Variants in RERE observed in about 807,000 individuals in gnomAD.
The protein encoded by RERE is arginine-glutamic acid dipeptide repeats protein.
A neutral mutation model predicts 146.1 loss-of-function variants in RERE; 40 were observed. That is an observed-to-expected ratio of 0.27 (90% CI 0.21 to 0.36). The LOEUF is 0.36. Ranked by LOEUF, RERE falls within the 10% of genes least tolerant of loss-of-function variation. The probability of loss-of-function intolerance (pLI) is 1.00; values close to 1 mark genes in which losing one functional copy is unlikely to be tolerated. For missense variants in RERE, 1,933 were observed against 2,138.7 expected (o/e 0.90, Z 1.90); for synonymous variants, 1,003 against 866.0 (o/e 1.16, Z -2.78).
chr1:8,450,742 G>T (rs1479388641), intron 11 of RERE, among the ~76,000 whole-genome samples: 1 of 152,078 alleles, frequency 6.6e-6, no homozygotes, highest in Non-Finnish European at 1.5e-5. Flanking sequence ...ATGCCCATCC[G>T]GGTTCCCCCA....
At chr1:8,457,314 A>T (rs981561233) in intron 11 of RERE, among the ~76,000 whole-genome samples, 3 of 152,174 alleles carry the variant, frequency 2.0e-5, no homozygotes, top group Admixed American at 1.3e-4. Flanking sequence ...TATAACCACC[A>T]AACACATGCT....
At chr1:8,418,115 C>T (rs2124466559) in intron 12 of RERE, among the ~76,000 whole-genome samples, 1 of 152,330 alleles carries the variant, frequency 6.6e-6, no homozygotes, top group East Asian at 1.9e-4. Flanking sequence ...CCCTGCAGGG[C>T]AGGGATGGCA....
chr1:8,691,019 T>A (rs1639195322), intron 1 of RERE, among the ~76,000 whole-genome samples: 1 of 152,128 alleles, frequency 6.6e-6, no homozygotes, highest in Admixed American at 6.5e-5. Flanking sequence ...TGCCTCAGCC[T>A]CCTGAGTAGC....
intron 6 of RERE, 59 bp from the exon 7 acceptor site, chr1:8,541,377 C>G: frequency 9.7e-7 from 1 of 1,033,172 alleles, no homozygotes; most frequent in Non-Finnish European, 1.5e-6. Flanking sequence ...CTAACCAAAA[C>G]TGGAGGGGGA....
intron 2 of RERE, among the ~76,000 whole-genome samples, chr1:8,649,780 C>T (rs1439288935): frequency 6.6e-6 from 1 of 150,790 alleles, no homozygotes; most frequent in Non-Finnish European, 1.5e-5. Context: ...ACTATGTGTA[C>T]ACTATTGTCA....
chr1:8,805,659 A>C (rs1288654276), intron 1 of RERE, among the ~76,000 whole-genome samples: 2 of 150,476 alleles, frequency 1.3e-5, no homozygotes, highest in African/African-American at 2.4e-5. Flanking sequence ...CAAAAAAAAA[A>C]AAAAAACAAA....
chr1:8,773,467 G>A (rs1045142183), intron 1 of RERE, among the ~76,000 whole-genome samples: 1 of 152,160 alleles, frequency 6.6e-6, no homozygotes, highest in African/African-American at 2.4e-5. Context: ...GCCAAGGTGC[G>A]CCAATCACTT....
chr1:8,506,076 T>C (rs1349483912), intron 8 of RERE, among the ~76,000 whole-genome samples: 1 of 151,926 alleles, frequency 6.6e-6, no homozygotes, highest in Non-Finnish European at 1.5e-5. Context: ...AAAAAATCTA[T>C]AAAATAAAAG....
intron 4 of RERE, among the ~76,000 whole-genome samples, chr1:8,580,077 G>C (rs1223863621): frequency 6.6e-6 from 1 of 152,122 alleles, no homozygotes; most frequent in Non-Finnish European, 1.5e-5. Context: ...TAAAATCGAA[G>C]GACACTTAGA....
chr1:8,358,726 C>CGACTTGTAGAAG lies in RERE; in HGVS notation c.3808_3809insCTTCTACAAGTC (p.Asn1269_Arg1270insProSerThrSer), dbSNP rs1194302550. 1.9e-6 allele frequency: 3 copies of CGACTTGTAGAAG among 1,604,860 alleles called. No individual in the cohort carries two copies. Among genetic ancestry groups the CGACTTGTAGAAG allele is most frequent in the Non-Finnish European group, 2.6e-6 (3 of 1,174,648 alleles). On this transcript the variant is annotated inframe_insertion, in exon 20 of 23. Transcript: ENST00000400908. ...AAGGGGCATGTAGAAGGGGTGGTTGCGGTTGGTGGGCGACATGACGTGGGG... is the reference window on the plus strand; with the variant it reads ...AAGGGGCATGTAGAAGGGGTGGTTGCGACTTGTAGAAGGGTTGGTGGGCGACATGACGTGGGG...
intron 4 of RERE, among the ~76,000 whole-genome samples, chr1:8,599,511 C>A (rs1395143752): frequency 6.6e-6 from 1 of 151,786 alleles, no homozygotes; most frequent in African/African-American, 2.4e-5. Context: ...TTAATAATTC[C>A]AAAAAAACAC....
intron 4 of RERE, among the ~76,000 whole-genome samples, chr1:8,564,866 G>A (rs1233268982): frequency 6.8e-4 from 89 of 131,468 alleles, no homozygotes; most frequent in Admixed American, 3.0e-3. Flanking sequence ...GTGTGTGTGT[G>A]TGTGTATATA....
intron 1 of RERE, among the ~76,000 whole-genome samples, chr1:8,693,570 G>A (rs143024293): frequency 6.6e-6 from 1 of 152,228 alleles, no homozygotes; most frequent in African/African-American, 2.4e-5. Context: ...AAGATCAGTG[G>A]TGGCCAGGGG....
chr1:8,535,662 T>C (rs912899894), intron 7 of RERE, among the ~76,000 whole-genome samples: 1 of 152,220 alleles, frequency 6.6e-6, no homozygotes, highest in Non-Finnish European at 1.5e-5. Flanking sequence ...AGAGAAAGTA[T>C]AGTCCCTGTA....
At chr1:8,777,532 A>C (rs902349547) in intron 1 of RERE, among the ~76,000 whole-genome samples, 1 of 150,060 alleles carries the variant, frequency 6.7e-6, no homozygotes, top group East Asian at 1.9e-4. Flanking sequence ...AAAGTGTCAT[A>C]CTTTTTTTTT....
At chr1:8,504,573 G>T (rs535887162) in intron 8 of RERE, among the ~76,000 whole-genome samples, 1 of 152,308 alleles carries the variant, frequency 6.6e-6, no homozygotes, top group South Asian at 2.1e-4. Flanking sequence ...ATCAGTGGTG[G>T]CCAGGCGCGG....
In RERE at chr1:8,364,680, A is replaced by C. The variant is rs1269976070; in HGVS notation, c.1540+66T>G. 23 of 1,172,782 alleles carry C rather than the reference A, an allele frequency of 2.0e-5. No individual in the cohort carries two copies. In the South Asian group the frequency reaches 2.2e-4, roughly 11 times the overall value. 72.6% of individuals were successfully genotyped at this position (1,172,782 alleles called of 1,614,324 possible). A position where few individuals can be genotyped will look rare whatever the true frequency, so the allele number is the denominator to read the frequency against. Reference sequence around the variant, plus strand: ...TGGCAGGTTTCCAGCTGGATGCATGAAATGTTCAGAACATGGAAGTGCTTG... The same window carrying C: ...TGGCAGGTTTCCAGCTGGATGCATGCAATGTTCAGAACATGGAAGTGCTTG... On this transcript the variant is annotated intron_variant, in intron 14 of 22. Transcript: ENST00000400908. This position sits in a 1 kb window ranked among gnomAD's most constrained non-coding sequence, Gnocchi z 5.1.
At chr1:8,736,860 A>C (rs532691855) in intron 1 of RERE, among the ~76,000 whole-genome samples, 1 of 151,490 alleles carries the variant, frequency 6.6e-6, no homozygotes, top group East Asian at 1.9e-4. Context: ...GGAAAAAAAA[A>C]AAAAAAAAAA....
intron 11 of RERE, among the ~76,000 whole-genome samples, chr1:8,442,386 T>TAAAAA: frequency 9.1e-6 from 1 of 109,336 alleles, no homozygotes; most frequent in South Asian, 2.9e-4. Context: ...GACTCCATCT[T>TAAAAA]AAAAAAAAAA....
Sources: gnomAD v4.1 joint callset for allele counts (sites outside exome capture counted in the v4.1 genomes callset) on GRCh38, gnomAD v4.1.1 for gene constraint, Gnocchi (gnomAD v3.1) non-coding constraint, MANE v1.5 for transcripts, NCBI Gene and HGNC (gene_info 2026-07-23, HGNC 2026-07-21) for gene names.